The following DPYD variants were observed in gnomAD, a reference collection of about 807,000 sequenced individuals.
DPYD encodes the protein dihydropyrimidine dehydrogenase [NADP(+)].
DPYD carries 109 observed loss-of-function variants against 116.2 expected under a neutral mutation model. The ratio of observed to expected loss-of-function variants is 0.94; its 90% CI spans 0.80 to 1.10. The LOEUF (loss-of-function observed/expected upper bound fraction) is 1.10, where lower values mean the gene tolerates loss of function less well. Among genes scored for constraint, DPYD ranks in the 50% least tolerant of loss-of-function variants. The pLI, the probability that DPYD is intolerant of heterozygous loss-of-function variation, is 0.00. For missense variants in DPYD, 1,302 were observed against 1,254.5 expected (o/e 1.04, Z -0.57); for synonymous variants, 440 against 432.0 (o/e 1.02, Z -0.23).
chr1:97,791,184 A>G (rs1667300985), intron 3 of DPYD, among the ~76,000 whole-genome samples: 1 of 152,178 alleles, frequency 6.6e-6, no homozygotes, highest in South Asian at 2.1e-4. Context: ...GCTTTCCACA[A>G]CATTGTGGGA....
intron 19 of DPYD, among the ~76,000 whole-genome samples, chr1:97,224,164 A>T (rs543304298): frequency 6.6e-6 from 1 of 152,218 alleles, no homozygotes; most frequent in East Asian, 1.9e-4. Flanking sequence ...ATTAGAAGTC[A>T]GTTGGGTTGA....
intron 12 of DPYD, chr1:97,546,363 A>G: frequency 7.0e-7 from 1 of 1,425,204 alleles, no homozygotes; most frequent in Non-Finnish European, 9.9e-7. Flanking sequence ...ATGAAGCTGC[A>G]GTAAAGGAAG....
intron 22 of DPYD, among the ~76,000 whole-genome samples, chr1:97,081,231 C>A (rs902290856): frequency 6.6e-6 from 1 of 151,794 alleles, no homozygotes; most frequent in Non-Finnish European, 1.5e-5. Context: ...GAATAAGGTA[C>A]ACAAACTTCT....
At chr1:97,434,962 G>C (rs144386093) in intron 14 of DPYD, among the ~76,000 whole-genome samples, 1 of 151,902 alleles carries the variant, frequency 6.6e-6, no homozygotes, top group Non-Finnish European at 1.5e-5. Context: ...AATCGATTCA[G>C]AGAAATACAC....
Position 97,364,772 on chromosome 1 carries a change from A to G in DPYD, c.2058+8789T>C, listed in dbSNP as rs868168999. 4.6e-5 allele frequency among the ~76,000 whole-genome samples: 7 copies of G among 152,284 alleles called. No individual in the cohort carries two copies. The Middle Eastern group carries it at 0.02, about 444-fold the overall frequency. ...AGAGAATATGGCTTCCCCAATGATC[A>G]TGACAAAAGAGCCTTCAGTCTTCAG... On this transcript the variant is annotated intron_variant, in intron 16 of 22. Transcript: ENST00000370192.
intron 13 of DPYD, among the ~76,000 whole-genome samples, chr1:97,499,589 A>C (rs568520071): frequency 2.6e-5 from 4 of 151,960 alleles, no homozygotes; most frequent in Admixed American, 1.3e-4. Flanking sequence ...AAAAACATCC[A>C]TATCTATCTA....
chr1:97,212,360 T>C (rs1357776227), intron 19 of DPYD, among the ~76,000 whole-genome samples: 4 of 152,146 alleles, frequency 2.6e-5, no homozygotes, highest in African/African-American at 9.7e-5. Flanking sequence ...TTAGCATGTT[T>C]TTATACATGT....
chr1:97,214,733 T>C lies in DPYD; in HGVS notation c.2442+20119A>G, dbSNP rs1570685763. Among the ~76,000 whole-genome samples the C allele has an allele frequency of 3.3e-5, 5 of 152,356 alleles. No homozygotes were observed. In the East Asian group the frequency reaches 9.6e-4, roughly 29 times the overall value. ...TGGATTACCCCAAGGCATTGCTTTC[T>C]AGCTAGTCTATCTGGAGTTGTTCCA... On this transcript the variant is annotated intron_variant, in intron 19 of 22. Transcript: ENST00000370192.
chr1:97,202,373 C>A (rs913615592), intron 19 of DPYD, among the ~76,000 whole-genome samples: 1 of 152,010 alleles, frequency 6.6e-6, no homozygotes, highest in Non-Finnish European at 1.5e-5. Flanking sequence ...CCTTTTCCTC[C>A]AATTAGGAAG....
chr1:97,850,752 C>A (rs1315330495), intron 2 of DPYD, among the ~76,000 whole-genome samples: 1 of 69,530 alleles, frequency 1.4e-5, no homozygotes, highest in African/African-American at 4.9e-5. Context: ...TTAATTTGAT[C>A]GAGCAAATTG....
intron 18 of DPYD, among the ~76,000 whole-genome samples, chr1:97,249,989 C>T (rs898704859): frequency 5.3e-5 from 8 of 152,002 alleles, no homozygotes; most frequent in African/African-American, 1.4e-4. Context: ...TGATAAATCA[C>T]GGCCAGGCAT....
chr1:97,171,143 A>G (rs1466240183), intron 20 of DPYD, among the ~76,000 whole-genome samples: 1 of 152,170 alleles, frequency 6.6e-6, no homozygotes, highest in Non-Finnish European at 1.5e-5. Flanking sequence ...GGCAGAATAG[A>G]AGGAGGAAGA....
chr1:97,654,000 C>A (rs541529327), intron 8 of DPYD, among the ~76,000 whole-genome samples: 1 of 152,124 alleles, frequency 6.6e-6, no homozygotes, highest in Admixed American at 6.6e-5. Context: ...CAATATTGTG[C>A]GTGTGCTCTC....
At chr1:97,720,397 T>C (rs976960647) in intron 5 of DPYD, 1 of 985,346 alleles carries the variant, frequency 1.0e-6, no homozygotes, top group Non-Finnish European at 1.2e-6. Context: ...CAACTAAGGA[T>C]TTTCACAGGT....
chr1:97,172,466 T>A (rs981486806), intron 20 of DPYD, among the ~76,000 whole-genome samples: 1 of 152,206 alleles, frequency 6.6e-6, no homozygotes, highest in African/African-American at 2.4e-5. Context: ...GCCATAAAAC[T>A]TTTGTTAATG....
chr1:97,387,311 A>C (rs967724588), intron 14 of DPYD, among the ~76,000 whole-genome samples: 15 of 152,206 alleles, frequency 9.9e-5, no homozygotes, highest in Non-Finnish European at 4.4e-5. Flanking sequence ...TGGCACACAA[A>C]AAGGAGCTTG....
chr1:97,385,537 A>C (rs530903642), intron 14 of DPYD, among the ~76,000 whole-genome samples: 40 of 149,030 alleles, frequency 2.7e-4, no homozygotes, highest in Non-Finnish European at 5.1e-4. Flanking sequence ...AAAAAAAAAA[A>C]ACAAAATAAA....
intron 18 of DPYD, among the ~76,000 whole-genome samples, chr1:97,247,244 T>C (rs956105652): frequency 1.3e-5 from 2 of 152,150 alleles, no homozygotes; most frequent in Non-Finnish European, 2.9e-5. Flanking sequence ...CTGTAGCATG[T>C]ATTAAAAAGA....
intron 19 of DPYD, among the ~76,000 whole-genome samples, chr1:97,233,341 C>G (rs1451237998): frequency 1.3e-5 from 2 of 152,110 alleles, no homozygotes; most frequent in Non-Finnish European, 1.5e-5. Flanking sequence ...CTGCACTAGA[C>G]CTCCTCTACT....
Sources: gnomAD v4.1 joint callset for allele counts (sites outside exome capture counted in the v4.1 genomes callset) on GRCh38, gnomAD v4.1.1 for gene constraint, MANE v1.5 for transcripts, NCBI Gene and HGNC (gene_info 2026-07-23, HGNC 2026-07-21) for gene names.